The following GNG12 variants were observed in gnomAD, a reference collection of about 807,000 sequenced individuals.
GNG12 encodes G protein subunit gamma 12, also known as guanine nucleotide-binding protein G(I)/G(S)/G(O) subunit gamma-12.
For missense variants in GNG12, 69 were observed against 83.8 expected (o/e 0.82, Z 0.69); for synonymous variants, 28 against 29.7 (o/e 0.94, Z 0.19).
chr1:67,767,059 G>C (rs1267475637), intron 2 of GNG12, among the ~76,000 whole-genome samples: 1 of 152,132 alleles, frequency 6.6e-6, no homozygotes, highest in East Asian at 1.9e-4. Context: ...ATACAATTTT[G>C]GGGGTCCTCT....
At chr1:67,782,668 A>T (rs962074539) in intron 1 of GNG12, among the ~76,000 whole-genome samples, 9 of 152,208 alleles carry the variant, frequency 5.9e-5, no homozygotes, top group African/African-American at 1.7e-4. Flanking sequence ...TATAAATTTT[A>T]AAAAAATACA....
chr1:67,783,652 G>A (rs1175341081), intron 1 of GNG12, among the ~76,000 whole-genome samples: 14 of 152,240 alleles, frequency 9.2e-5, no homozygotes, highest in East Asian at 3.9e-4. Context: ...AAAAGTGGGC[G>A]AAGGACATGA....
At chr1:67,714,604 C>G (rs1375054482) in intron 2 of GNG12, among the ~76,000 whole-genome samples, 1 of 152,186 alleles carries the variant, frequency 6.6e-6, no homozygotes, top group African/African-American at 2.4e-5. Flanking sequence ...TTGCATTCCT[C>G]AATGGACTGG....
At chr1:67,730,496 C>T (rs957432677) in intron 2 of GNG12, among the ~76,000 whole-genome samples, 6 of 152,220 alleles carry the variant, frequency 3.9e-5, no homozygotes, top group Middle Eastern at 3.4e-3. Flanking sequence ...CAGAGCAAGA[C>T]GCCACCCCCC....
intron 2 of GNG12, among the ~76,000 whole-genome samples, chr1:67,719,973 G>A (rs180812327): frequency 3.3e-5 from 5 of 152,300 alleles, no homozygotes; most frequent in Admixed American, 2.6e-4. Flanking sequence ...CCTGAGTCTC[G>A]CACCCTGGGT....
chr1:67,723,468 A>G (rs1405357111), intron 2 of GNG12, among the ~76,000 whole-genome samples: 1 of 152,208 alleles, frequency 6.6e-6, no homozygotes, highest in Non-Finnish European at 1.5e-5. Context: ...TTCAAGATGT[A>G]GCTATTGCCA....
intron 1 of GNG12, among the ~76,000 whole-genome samples, chr1:67,801,926 A>AG (rs1394114968): frequency 1.5e-5 from 2 of 135,694 alleles, no homozygotes; most frequent in Non-Finnish European, 3.4e-5. Context: ...GGAGGAAGGA[A>AG]GGGAAGGGGG....
chr1:67,776,130 T>C (rs542889192), intron 2 of GNG12, among the ~76,000 whole-genome samples: 1 of 151,964 alleles, frequency 6.6e-6, no homozygotes, highest in East Asian at 1.9e-4. Flanking sequence ...GGCTGGAGGG[T>C]AGAAAACCTG....
intron 1 of GNG12, among the ~76,000 whole-genome samples, chr1:67,789,257 G>A (rs1258168863): frequency 1.3e-5 from 2 of 152,190 alleles, no homozygotes. Flanking sequence ...ATGCTCTTTG[G>A]TGAGAATCCT....
At chr1:67,788,090 G>A (rs1000641659) in intron 1 of GNG12, among the ~76,000 whole-genome samples, 3 of 152,242 alleles carry the variant, frequency 2.0e-5, no homozygotes, top group South Asian at 2.1e-4. Flanking sequence ...TTTGAACCAC[G>A]GAACCTTTTG....
At chr1:67,829,659 T>C (rs1196594325) in intron 1 of GNG12, among the ~76,000 whole-genome samples, 2 of 152,224 alleles carry the variant, frequency 1.3e-5, no homozygotes, top group African/African-American at 2.4e-5. Flanking sequence ...TATTGAAGCA[T>C]AGATTAAGTA....
rs1038758871 is a variant in GNG12 at position 67,704,195 on chromosome 1, G to C, written c.*1256C>G. ...CAGCTGCTAAAGCCCTTGGGCCCAA[G>C]GAGTGTACCACTGAATCCAAGGCTC... is the stretch of plus-strand genomic sequence containing the variant. On this transcript the variant is annotated 3_prime_UTR_variant, in exon 4 of 4. Transcript: ENST00000370982. The C allele has an allele frequency of 6.6e-6, 1 of 152,254 alleles. No homozygotes were observed. The highest frequency in any genetic ancestry group is 2.4e-5 in the African/African-American group (1 of 41,468). The allele number at this position is 152,254 out of a possible 1,614,324, so 9.4% of individuals were successfully genotyped here.
intron 1 of GNG12, among the ~76,000 whole-genome samples, chr1:67,818,293 A>G (rs1433816751): frequency 1.3e-5 from 2 of 152,206 alleles, no homozygotes; most frequent in African/African-American, 4.8e-5. Flanking sequence ...CAGTGTGAGG[A>G]AATCCAGAGA....
In GNG12 at chr1:67,703,013, A is replaced by AT. The variant is rs1646224458; in HGVS notation, c.*2437dup. 6.6e-6 allele frequency: 1 copy of AT among 152,230 alleles called. No individual in the cohort carries two copies. The highest frequency in any genetic ancestry group is 1.5e-5 in the Non-Finnish European group (1 of 68,032). The allele number at this position is 152,230 out of a possible 1,614,324, so 9.4% of individuals were successfully genotyped here. ...GGCTTTGTAAGGAGAATAAAGCCTG[A>AT]TAAAAAAAGTGACTTCTGCATATCA... On this transcript the variant is annotated 3_prime_UTR_variant, in exon 4 of 4. Coordinates refer to ENST00000370982, the MANE Select transcript of GNG12 (RefSeq NM_018841.6).
intron 2 of GNG12, among the ~76,000 whole-genome samples, chr1:67,758,340 A>C (rs1011806365): frequency 6.6e-6 from 1 of 152,218 alleles, no homozygotes; most frequent in Non-Finnish European, 1.5e-5. Flanking sequence ...TTGGGACTGA[A>C]CTAATACACC....
chr1:67,815,984 T>A (rs1189185558), intron 1 of GNG12, among the ~76,000 whole-genome samples: 1 of 152,172 alleles, frequency 6.6e-6, no homozygotes, highest in East Asian at 1.9e-4. Flanking sequence ...CTGGGCCCCA[T>A]GCCAGGGCTG....
At chr1:67,718,680 C>T (rs1276831876) in intron 2 of GNG12, among the ~76,000 whole-genome samples, 1 of 152,042 alleles carries the variant, frequency 6.6e-6, no homozygotes, top group Non-Finnish European at 1.5e-5. Flanking sequence ...GGGCTACCGC[C>T]TGAGCCTTGT....
intron 2 of GNG12, among the ~76,000 whole-genome samples, chr1:67,766,106 GCACACACACACACACACACACA>G (rs59348663): frequency 1.3e-4 from 18 of 139,836 alleles, no homozygotes; most frequent in Non-Finnish European, 2.2e-4. Flanking sequence ...AGGCACACAC[GCACACACACACACACACACACA>G]CACACACACA....
At chr1:67,802,730 C>G (rs1167644547) in intron 1 of GNG12, among the ~76,000 whole-genome samples, 1 of 152,196 alleles carries the variant, frequency 6.6e-6, no homozygotes, top group Non-Finnish European at 1.5e-5. Context: ...CTGCCCCTGT[C>G]TAGACAGCCT....
Sources: allele counts gnomAD v4.1 joint callset (sites outside exome capture counted in the v4.1 genomes callset), GRCh38; gene constraint gnomAD v4.1.1; transcripts MANE v1.5; gene names NCBI Gene and HGNC (gene_info 2026-07-23, HGNC 2026-07-21).